Variants in MEF2C observed in about 807,000 individuals in gnomAD.
MEF2C encodes myocyte enhancer factor 2C.
A neutral mutation model predicts 50.5 loss-of-function variants in MEF2C; 6 were observed. The ratio of observed to expected loss-of-function variants is 0.12; its 90% CI spans 0.07 to 0.23. MEF2C has a LOEUF of 0.23. Ranked by LOEUF, MEF2C falls within the 10% of genes least tolerant of loss-of-function variation. The probability of loss-of-function intolerance (pLI) is 1.00; values close to 1 mark genes in which losing one functional copy is unlikely to be tolerated. For missense variants in MEF2C, 276 were observed against 605.0 expected (o/e 0.46, Z 5.70); for synonymous variants, 183 against 228.0 (o/e 0.80, Z 1.78).
intron 4 of MEF2C, chr5:88,752,865 A>C: frequency 3.3e-6 from 2 of 610,620 alleles, no homozygotes; most frequent in Non-Finnish European, 4.1e-6. Context: ...TGAACATAGG[A>C]ACATAATTGT....
intron 2 of MEF2C, among the ~76,000 whole-genome samples, chr5:88,813,029 C>A (rs569394435): frequency 2.6e-4 from 40 of 152,036 alleles, no homozygotes; most frequent in African/African-American, 8.4e-4. Flanking sequence ...AGGTTAAAGT[C>A]AAAAAATAAT....
intron 3 of MEF2C, among the ~76,000 whole-genome samples, chr5:88,801,149 T>C (rs1798149039): frequency 6.6e-6 from 1 of 152,224 alleles, no homozygotes. Context: ...ATATTATTTC[T>C]ATCTCTCCCG....
At chr5:88,739,219 G>T (rs896402523) in intron 6 of MEF2C, 20 of 979,990 alleles carry the variant, frequency 2.0e-5, no homozygotes, top group Non-Finnish European at 2.2e-5. Flanking sequence ...TTTGTTAATA[G>T]TATCTGATTT....
chr5:88,834,337 T>G (rs1272774589), intron 1 of MEF2C, among the ~76,000 whole-genome samples: 1 of 152,110 alleles, frequency 6.6e-6, no homozygotes, highest in African/African-American at 2.4e-5. Flanking sequence ...CCTGGCTAAG[T>G]CACTGTAATG....
intron 2 of MEF2C, among the ~76,000 whole-genome samples, chr5:88,809,530 A>G (rs1801914914): frequency 1.3e-5 from 2 of 152,106 alleles, no homozygotes; most frequent in African/African-American, 2.4e-5. Flanking sequence ...ATTTAATTCC[A>G]TAACGTTTAA....
intron 1 of MEF2C, among the ~76,000 whole-genome samples, chr5:88,837,629 G>GAAAAC (rs150898777): frequency 5.3e-5 from 8 of 152,012 alleles, no homozygotes; most frequent in Admixed American, 6.6e-5. Context: ...AATAAAGGAG[G>GAAAAC]AAAACAAAAC....
rs866324430 is a variant in MEF2C, at chr5:88,805,866, T to A, written c.55-1065A>T. ...TTTTTTTTTTGGAGACGGAGTCTCT[T>A]ATAAACCTTTATATGGTCCAGTGTT... On this transcript the variant is annotated intron_variant, in intron 2 of 10. Transcript: ENST00000504921. Among the ~76,000 whole-genome samples, 45 of 142,220 alleles carry A rather than the reference T, an allele frequency of 3.2e-4. No individual in the cohort carries two copies. In the Middle Eastern group the frequency reaches 0.01, roughly 33 times the overall value. 93.3% of individuals were successfully genotyped at this position (142,220 alleles called of 152,430 possible). A position where few individuals can be genotyped will look rare whatever the true frequency, so the allele number is the denominator to read the frequency against.
intron 1 of MEF2C, among the ~76,000 whole-genome samples, chr5:88,842,062 G>A (rs1581454270): frequency 6.6e-6 from 1 of 151,652 alleles, no homozygotes; most frequent in African/African-American, 2.4e-5. Flanking sequence ...TCTTTCTTTA[G>A]TCAACCAGAT....
intron 3 of MEF2C, chr5:88,782,219 A>G (rs1580608292): frequency 2.2e-6 from 2 of 918,664 alleles, no homozygotes; most frequent in Non-Finnish European, 2.6e-6. Context: ...CTGTAATCCA[A>G]GCACTTGAGA....
chr5:88,824,417 T>G, intron 1 of MEF2C: 7 of 881,366 alleles, frequency 7.9e-6, no homozygotes, highest in Non-Finnish European at 9.5e-6. Context: ...GATGGACGAT[T>G]ATGAAAGTGC....
At chr5:88,774,026 A>T (rs750270665) in intron 3 of MEF2C, among the ~76,000 whole-genome samples, 1 of 152,226 alleles carries the variant, frequency 6.6e-6, no homozygotes, top group Non-Finnish European at 1.5e-5. Context: ...CAGCAGACAG[A>T]CATCCTGGGG....
At chr5:88,799,078 G>A (rs569952320) in intron 3 of MEF2C, among the ~76,000 whole-genome samples, 1 of 152,142 alleles carries the variant, frequency 6.6e-6, no homozygotes, top group African/African-American at 2.4e-5. Flanking sequence ...GGTGTCTGTC[G>A]ACCCCTGCTG....
chr5:88,843,259 A>G lies in MEF2C; in HGVS notation c.-142-19329T>C, dbSNP rs1053876793. The G allele has an allele frequency of 5.8e-6, 4 of 685,896 alleles. No homozygotes were observed. The African/African-American group carries it at 9.2e-5, about 16-fold the overall frequency. 42.5% of individuals were successfully genotyped at this position (685,896 alleles called of 1,614,324 possible). On this transcript the variant is annotated intron_variant, in intron 1 of 10. Transcript: ENST00000504921. ...TAAAAAAAAAAGCATTTCTATTTCT[A>G]TTTGGGTATCTTACTCCATTATCCA...
At chr5:88,802,601 C>T (rs923628890) in intron 3 of MEF2C, among the ~76,000 whole-genome samples, 2 of 152,164 alleles carry the variant, frequency 1.3e-5, no homozygotes, top group Non-Finnish European at 2.9e-5. Flanking sequence ...TGTGTGCCAC[C>T]ATGCCTGGCT....
chr5:88,818,438 G>A (rs1047086189), intron 2 of MEF2C, among the ~76,000 whole-genome samples: 1 of 151,756 alleles, frequency 6.6e-6, no homozygotes, highest in Non-Finnish European at 1.5e-5. Flanking sequence ...ACTGATGGAG[G>A]TATTTCAAGG....
rs145654234 is a variant in MEF2C at position 88,719,306 on chromosome 5, A to G, written c.*3298T>C. The G allele has an allele frequency of 2.6e-5, 4 of 152,198 alleles. No homozygotes were observed. Among genetic ancestry groups the G allele is most frequent in the Admixed American group, 2.6e-4 (4 of 15,278 alleles). The allele number at this position is 152,198 out of a possible 1,614,324, so 9.4% of individuals were successfully genotyped here. On this transcript the variant is annotated 3_prime_UTR_variant, in exon 11 of 11. Coordinates refer to ENST00000504921, the MANE Select transcript of MEF2C (RefSeq NM_002397.5). ...AAATGCTAAATTCCACCTTTGGGAAAAAATAAGCCATTTTACTAAAAAACA... is the reference window on the plus strand; with the variant it reads ...AAATGCTAAATTCCACCTTTGGGAAGAAATAAGCCATTTTACTAAAAAACA...
intron 1 of MEF2C, among the ~76,000 whole-genome samples, chr5:88,865,280 T>C (rs922090660): frequency 5.3e-5 from 8 of 152,176 alleles, no homozygotes; most frequent in African/African-American, 1.7e-4. Context: ...GGAAATCCAA[T>C]GTTTTATACC....
chr5:88,774,915 G>A (rs762899383), intron 3 of MEF2C, among the ~76,000 whole-genome samples: 37 of 152,152 alleles, frequency 2.4e-4, no homozygotes, highest in Non-Finnish European at 2.4e-4. Flanking sequence ...CAGTCCTGTC[G>A]TAGTTCTGCA....
chr5:88,853,122 G>A (rs1324753299), intron 1 of MEF2C, among the ~76,000 whole-genome samples: 1 of 152,126 alleles, frequency 6.6e-6, no homozygotes, highest in Non-Finnish European at 1.5e-5. Context: ...TACTCAGGAC[G>A]CTGAGGTGCG....
Sources: gnomAD v4.1 joint callset for allele counts (sites outside exome capture counted in the v4.1 genomes callset) on GRCh38, gnomAD v4.1.1 for gene constraint, MANE v1.5 for transcripts, NCBI Gene and HGNC (gene_info 2026-07-23, HGNC 2026-07-21) for gene names.